Variants in LOC128706665 observed in about 807,000 individuals in gnomAD.
chr20:10,428,709 T>C, the LOC128706665 span, among the ~76,000 whole-genome samples: 1 of 152,082 alleles, frequency 6.6e-6, no homozygotes, highest in African/African-American at 2.4e-5. Context: ...ATGTGGTGGG[T>C]GCACCTGTAA....
the LOC128706665 span, among the ~76,000 whole-genome samples, chr20:10,418,607 C>CA: frequency 6.6e-6 from 1 of 152,070 alleles, no homozygotes; most frequent in Non-Finnish European, 1.5e-5. Context: ...GCTGCACTGG[C>CA]ATCTAAAATC....
chr20:10,424,122 C>T, the LOC128706665 span, among the ~76,000 whole-genome samples: 8 of 152,126 alleles, frequency 5.3e-5, no homozygotes, highest in Admixed American at 4.6e-4. Flanking sequence ...ATTTAATTCA[C>T]ATAAAAACAA....
chr20:10,420,024 CTT>C, the LOC128706665 span, among the ~76,000 whole-genome samples: 3 of 152,034 alleles, frequency 2.0e-5, no homozygotes, highest in Admixed American at 1.3e-4. Context: ...GTTTTGAGAA[CTT>C]TTTGAATTTT....
the LOC128706665 span, among the ~76,000 whole-genome samples, chr20:10,417,882 A>G: frequency 6.6e-6 from 1 of 152,228 alleles, no homozygotes; most frequent in African/African-American, 2.4e-5. Flanking sequence ...TGACAAGATG[A>G]GGAAGCAATC....
the LOC128706665 span, among the ~76,000 whole-genome samples, chr20:10,418,427 T>C: frequency 6.6e-6 from 1 of 152,144 alleles, no homozygotes; most frequent in Non-Finnish European, 1.5e-5. Context: ...AAAATAAGAA[T>C]AGAAAATAAG....
At chr20:10,421,749 T>C in the LOC128706665 span, among the ~76,000 whole-genome samples, 140 of 152,068 alleles carry the variant, frequency 9.2e-4, 2 homozygotes, top group East Asian at 4.4e-3. Context: ...GACAGTTGCC[T>C]GGAGTTACAA....
chr20:10,422,932 C>T, the LOC128706665 span, among the ~76,000 whole-genome samples: 8 of 152,046 alleles, frequency 5.3e-5, no homozygotes, highest in South Asian at 2.1e-4. Context: ...AGGATGGTCT[C>T]GATCTCCTGA....
At chr20:10,417,614 G>C in the LOC128706665 span, among the ~76,000 whole-genome samples, 1 of 151,996 alleles carries the variant, frequency 6.6e-6, no homozygotes, top group African/African-American at 2.4e-5. Flanking sequence ...GTGCCCAAGA[G>C]TTTGAGGCTG....
chr20:10,428,923 T>C, the LOC128706665 span, among the ~76,000 whole-genome samples: 201 of 152,302 alleles, frequency 1.3e-3, no homozygotes, highest in African/African-American at 4.6e-3. Context: ...CCAGTCCCAC[T>C]TTCTACTGTG....
the LOC128706665 span, among the ~76,000 whole-genome samples, chr20:10,422,771 G>T: frequency 6.6e-6 from 1 of 151,194 alleles, no homozygotes; most frequent in East Asian, 1.9e-4. Flanking sequence ...TAGTGCAGTG[G>T]TGCGATCTCA....
At chr20:10,416,230 G>A in the LOC128706665 span, among the ~76,000 whole-genome samples, 3 of 152,056 alleles carry the variant, frequency 2.0e-5, no homozygotes, top group African/African-American at 7.2e-5. Flanking sequence ...AAATTAAGAG[G>A]TGCACTATAA....
chr20:10,433,323 C>T, the LOC128706665 span, among the ~76,000 whole-genome samples: 1 of 152,194 alleles, frequency 6.6e-6, no homozygotes, highest in Non-Finnish European at 1.5e-5. Flanking sequence ...TATTTTCTAT[C>T]CGCAGTTGGT....
At chr20:10,422,726 T>TG in the LOC128706665 span, among the ~76,000 whole-genome samples, 1 of 151,810 alleles carries the variant, frequency 6.6e-6, no homozygotes, top group African/African-American at 2.4e-5. Flanking sequence ...TTTTTTTTTT[T>TG]TGTGAGACAG....
the LOC128706665 span, among the ~76,000 whole-genome samples, chr20:10,419,371 T>G: frequency 6.6e-6 from 1 of 152,106 alleles, no homozygotes; most frequent in Admixed American, 6.5e-5. Flanking sequence ...ATAATCAATA[T>G]AATCATAATA....
At chr20:10,432,709 T>A in the LOC128706665 span, among the ~76,000 whole-genome samples, 1 of 148,074 alleles carries the variant, frequency 6.8e-6, no homozygotes, top group Non-Finnish European at 1.5e-5. Context: ...GCAGGGAGAA[T>A]TGCTTGAACC....
the LOC128706665 span, among the ~76,000 whole-genome samples, chr20:10,432,777 G>A: frequency 9.3e-6 from 1 of 107,978 alleles, no homozygotes; most frequent in South Asian, 3.2e-4. Flanking sequence ...GCGACAGAGC[G>A]AGACTCTTTG....
chr20:10,415,982 A>C, the LOC128706665 span, among the ~76,000 whole-genome samples: 2 of 152,218 alleles, frequency 1.3e-5, no homozygotes, highest in African/African-American at 4.8e-5. Context: ...AAGAAAGAGA[A>C]AAGAGAAAAA....
At chr20:10,424,699 G>A in the LOC128706665 span, among the ~76,000 whole-genome samples, 2 of 151,946 alleles carry the variant, frequency 1.3e-5, no homozygotes, top group African/African-American at 4.8e-5. Context: ...ACATATTTTG[G>A]GGATACAATT....
At chr20:10,420,855 T>C in the LOC128706665 span, 2 of 152,222 alleles carry the variant, frequency 1.3e-5, no homozygotes, top group South Asian at 4.1e-4. Flanking sequence ...TGCTGTACTC[T>C]AACAAATGCT....
Sources: allele counts gnomAD v4.1 joint callset (sites outside exome capture counted in the v4.1 genomes callset), GRCh38; gene constraint gnomAD v4.1.1; transcripts MANE v1.5.